The following SLC1A1 variants were observed in gnomAD, a reference collection of about 807,000 sequenced individuals.
The protein encoded by SLC1A1 is excitatory amino acid transporter 3.
In SLC1A1, 43 loss-of-function variants were observed where a neutral mutation model predicts 53.3. The observed-to-expected ratio is 0.81, with a 90% CI of 0.63 to 1.04. The LOEUF is 1.04. SLC1A1 is among the 50% of genes least tolerant of loss of function. SLC1A1 has a pLI of 0.00. For synonymous variants in SLC1A1, 307 were observed against 243.2 expected (o/e 1.26, Z -2.44); for missense variants, 748 against 664.9 (o/e 1.12, Z -1.37).
At chr9:4,538,717 C>T (rs113145727) in intron 1 of SLC1A1, among the ~76,000 whole-genome samples, 3,128 of 152,252 alleles carry the variant, frequency 0.021, 116 homozygotes, top group African/African-American at 0.071. Context: ...AGCATCTGTG[C>T]TTTGAGCCGG....
chr9:4,543,713 T>C (rs1363957304), intron 1 of SLC1A1, among the ~76,000 whole-genome samples: 1 of 151,932 alleles, frequency 6.6e-6, no homozygotes, highest in Non-Finnish European at 1.5e-5. Flanking sequence ...CTGAAAAGAG[T>C]GCAAAACATT....
chr9:4,579,260 C>T, intron 10 of SLC1A1, among the ~76,000 whole-genome samples: 1 of 152,194 alleles, frequency 6.6e-6, no homozygotes, highest in East Asian at 1.9e-4. Context: ...TTGAATCATG[C>T]CTGAAAAAGT....
chr9:4,497,648 T>A (rs1820481217), intron 1 of SLC1A1, among the ~76,000 whole-genome samples: 1 of 152,212 alleles, frequency 6.6e-6, no homozygotes, highest in Admixed American at 6.5e-5. Context: ...GTCAGCAACA[T>A]AGATTAACAC....
intron 6 of SLC1A1, among the ~76,000 whole-genome samples, chr9:4,571,300 G>T (rs1820019069): frequency 1.4e-5 from 2 of 142,408 alleles, no homozygotes; most frequent in South Asian, 4.7e-4. Flanking sequence ...TAATACCTGG[G>T]TGATAAAATA....
chr9:4,513,214 A>C (rs144628452), intron 1 of SLC1A1, among the ~76,000 whole-genome samples: 138 of 152,336 alleles, frequency 9.1e-4, no homozygotes, highest in African/African-American at 3.1e-3. Flanking sequence ...TTGGACTTTA[A>C]CAAATAAATC....
intron 1 of SLC1A1, among the ~76,000 whole-genome samples, chr9:4,510,907 A>T (rs969560544): frequency 6.6e-6 from 1 of 152,178 alleles, no homozygotes; most frequent in Non-Finnish European, 1.5e-5. Flanking sequence ...CCGTAAACAA[A>T]TTGAGAGTTA....
At chr9:4,577,594 G>A (rs1176304317) in intron 10 of SLC1A1, among the ~76,000 whole-genome samples, 2 of 152,172 alleles carry the variant, frequency 1.3e-5, no homozygotes, top group Non-Finnish European at 2.9e-5. Context: ...TCCTGCCTCA[G>A]CCTCCTGAGT....
chr9:4,518,187 A>T (rs1459364460), intron 1 of SLC1A1, among the ~76,000 whole-genome samples: 1 of 136,260 alleles, frequency 7.3e-6, no homozygotes, highest in East Asian at 2.3e-4. Context: ...GTGAGCCGAG[A>T]TCTCACCATT....
intron 1 of SLC1A1, among the ~76,000 whole-genome samples, chr9:4,519,571 C>G (rs1034253789): frequency 6.6e-6 from 1 of 152,170 alleles, no homozygotes; most frequent in Non-Finnish European, 1.5e-5. Context: ...TGTTATTATT[C>G]AATCATAAAT....
chr9:4,584,094 T>C (rs528642261), intron 11 of SLC1A1, among the ~76,000 whole-genome samples: 27 of 152,334 alleles, frequency 1.8e-4, no homozygotes, highest in African/African-American at 6.3e-4. Context: ...CATGGAGCCT[T>C]TGCTCAGAAC....
At chr9:4,548,826 G>T (rs1419490571) in intron 2 of SLC1A1, among the ~76,000 whole-genome samples, 2 of 152,002 alleles carry the variant, frequency 1.3e-5, no homozygotes, top group African/African-American at 4.8e-5. Flanking sequence ...ATAAACTCAA[G>T]ACATTTTCAG....
At chr9:4,515,506 G>A (rs1821132261) in intron 1 of SLC1A1, among the ~76,000 whole-genome samples, 1 of 152,158 alleles carries the variant, frequency 6.6e-6, no homozygotes, top group Non-Finnish European at 1.5e-5. Context: ...AACAGCATGA[G>A]GCAACAGATA....
At position 4,583,882 on chromosome 9, in the gene SLC1A1, T is replaced by TCTCACACA. The variant is rs1423949414; in HGVS notation, c.1328+711_1328+712insTCACACAC. On this transcript the variant is annotated intron_variant, in intron 11 of 11. Transcript: ENST00000262352. This position sits in a 1 kb window ranked among gnomAD's most constrained non-coding sequence, Gnocchi z 4.6. ...CTCTCTCTCTCTCTCTCTCTCTCTC[T>TCTCACACA]CACACACACACACACACACACACAC... is the stretch of plus-strand genomic sequence containing the variant. 8.3e-4 allele frequency among the ~76,000 whole-genome samples: 114 copies of TCTCACACA among 137,036 alleles called. No individual in the cohort carries two copies. The highest frequency in any genetic ancestry group is 3.2e-3 in the African/African-American group (112 of 35,350). 89.9% of individuals were successfully genotyped at this position (137,036 alleles called of 152,430 possible).
At chr9:4,519,210 A>G (rs1396809893) in intron 1 of SLC1A1, among the ~76,000 whole-genome samples, 4 of 152,244 alleles carry the variant, frequency 2.6e-5, no homozygotes, top group Non-Finnish European at 4.4e-5. Flanking sequence ...TTTATACCAT[A>G]ACTATTTGTA....
intron 1 of SLC1A1, among the ~76,000 whole-genome samples, chr9:4,527,663 C>G (rs1053414265): frequency 1.3e-5 from 2 of 152,106 alleles, no homozygotes; most frequent in Admixed American, 6.5e-5. Flanking sequence ...TGTTTCTAAG[C>G]TTATATTACA....
intron 6 of SLC1A1, 130 bp downstream of exon 6, chr9:4,567,897 G>C: frequency 1.4e-6 from 1 of 723,228 alleles, no homozygotes. Flanking sequence ...TAAAATTTAT[G>C]TGTGACCCCA....
At chr9:4,542,348 C>G (rs1407516092) in intron 1 of SLC1A1, among the ~76,000 whole-genome samples, 1 of 152,162 alleles carries the variant, frequency 6.6e-6, no homozygotes, top group Non-Finnish European at 1.5e-5. Flanking sequence ...CCTGGCAACT[C>G]TTATTTCTCC....
chr9:4,561,550 T>G lies in SLC1A1; in HGVS notation c.325+9T>G. 1 of 1,447,480 alleles carries G rather than the reference T, an allele frequency of 6.9e-7. No individual in the cohort carries two copies. Among genetic ancestry groups the G allele is most frequent in the Non-Finnish European group, 9.7e-7 (1 of 1,028,014 alleles). 89.7% of individuals were successfully genotyped at this position (1,447,480 alleles called of 1,614,324 possible). On this transcript the variant is annotated intron_variant, in intron 3 of 11. Coordinates refer to ENST00000262352, the MANE Select transcript of SLC1A1 (RefSeq NM_004170.6). ...CATTGCTGTTATTCTAGGTAATACT[T>G]ATTTCTGAATCCTTACTACTTTATG...
chr9:4,544,919 G>A (rs905098251), intron 2 of SLC1A1, among the ~76,000 whole-genome samples: 9 of 152,190 alleles, frequency 5.9e-5, no homozygotes, highest in East Asian at 3.9e-4. Flanking sequence ...GAGAAAGGCT[G>A]GGCGAAGCAG....
Sources: gnomAD v4.1 joint callset for allele counts (sites outside exome capture counted in the v4.1 genomes callset) on GRCh38, gnomAD v4.1.1 for gene constraint, Gnocchi (gnomAD v3.1) non-coding constraint, MANE v1.5 for transcripts, NCBI Gene and HGNC (gene_info 2026-07-23, HGNC 2026-07-21) for gene names.